Variants in GRK3 observed in about 807,000 individuals in gnomAD.
GRK3 encodes the protein adrenergic, beta, receptor kinase 2.
GRK3 carries 54 observed loss-of-function variants against 95.7 expected under a neutral mutation model. That is an observed-to-expected ratio of 0.56 (90% CI 0.45 to 0.71). GRK3 has a LOEUF of 0.71. Ranked by LOEUF, GRK3 falls within the 30% of genes least tolerant of loss-of-function variation. The pLI, the probability that GRK3 is intolerant of heterozygous loss-of-function variation, is 0.00. For synonymous variants in GRK3, 281 were observed against 290.8 expected, an observed-to-expected ratio of 0.97 and a Z score of 0.34; for missense variants, 649 against 851.2, an observed-to-expected ratio of 0.76 and a Z score of 2.96.
At position 25,689,406 on chromosome 22, in the gene GRK3, CT is replaced by C. The variant is rs1434669905; in HGVS notation, c.958-781del. ...TGGTATTATTTAATTTCTATTCAAA[CT>C]TAATTCTAGTCACTCATGATTATTC... On this transcript the variant is annotated intron_variant, in intron 11 of 20. Transcript: ENST00000324198. 2.6e-5 allele frequency among the ~76,000 whole-genome samples: 4 copies of C among 152,132 alleles called. No homozygotes were observed. The East Asian group carries it at 7.7e-4, about 29-fold the overall frequency.
chr22:25,610,331 G>A (rs1485785910), intron 2 of GRK3, among the ~76,000 whole-genome samples: 2 of 152,110 alleles, frequency 1.3e-5, no homozygotes, highest in Non-Finnish European at 2.9e-5. Context: ...GCTGGATGTG[G>A]TGCTGCATAC....
intron 2 of GRK3, among the ~76,000 whole-genome samples, chr22:25,632,203 T>C (rs996734258): frequency 1.3e-5 from 2 of 152,228 alleles, no homozygotes; most frequent in African/African-American, 4.8e-5. Context: ...CTTACCAGCA[T>C]TGCTATTGTC....
chr22:25,626,043 T>C (rs932062411), intron 2 of GRK3, among the ~76,000 whole-genome samples: 20 of 152,146 alleles, frequency 1.3e-4, no homozygotes, highest in Admixed American at 1.2e-3. Flanking sequence ...TGTCTTTTCT[T>C]TTATCTCTTT....
intron 17 of GRK3, 118 bp from the exon 18 acceptor site, chr22:25,714,290 C>A: frequency 2.6e-6 from 2 of 766,148 alleles, no homozygotes; most frequent in Non-Finnish European, 2.1e-6. Context: ...ATTACTGCTG[C>A]CATCTAGTCA....
At chr22:25,715,817 G>A (rs2085379459) in intron 18 of GRK3, among the ~76,000 whole-genome samples, 1 of 152,118 alleles carries the variant, frequency 6.6e-6, no homozygotes, top group South Asian at 2.1e-4. Flanking sequence ...CAGCATCTTG[G>A]TATAGGATTC....
rs950965766 is a variant in GRK3, at chr22:25,724,516, A to G, written c.*2066A>G. 18 of 152,220 alleles carry G rather than the reference A, an allele frequency of 1.2e-4. No homozygotes were observed. The highest frequency in any genetic ancestry group is 4.1e-4 in the African/African-American group (17 of 41,462). 9.4% of individuals were successfully genotyped at this position (152,220 alleles called of 1,614,324 possible). On this transcript the variant is annotated 3_prime_UTR_variant, in exon 21 of 21. Coordinates refer to ENST00000324198, the MANE Select transcript of GRK3 (RefSeq NM_005160.4). ...AACATAAGGCTCCACTCCCTTTTAG[A>G]AAAGATATATGAATTGGAAAATGCT...
At chr22:25,604,586 T>G (rs1451620010) in intron 2 of GRK3, 133 bp downstream of exon 2, 12 of 505,478 alleles carry the variant, frequency 2.4e-5, no homozygotes, top group South Asian at 9.5e-5. Context: ...GGAAATTTCA[T>G]GTAATTAATA....
intron 20 of GRK3, among the ~76,000 whole-genome samples, chr22:25,721,905 C>T (rs979248919): frequency 6.6e-6 from 1 of 152,184 alleles, no homozygotes. Flanking sequence ...ATCATTTTTA[C>T]TAACATCAGT....
At chr22:25,675,915 AT>A (rs1430891275) in intron 8 of GRK3, among the ~76,000 whole-genome samples, 2 of 152,154 alleles carry the variant, frequency 1.3e-5, no homozygotes, top group Non-Finnish European at 1.5e-5. Context: ...TAGCCTAGGG[AT>A]CTGGAGTAAG....
At chr22:25,631,195 A>G (rs2084661601) in intron 2 of GRK3, among the ~76,000 whole-genome samples, 9 of 151,898 alleles carry the variant, frequency 5.9e-5, no homozygotes, top group Admixed American at 5.9e-4. Context: ...TTCTTTATTT[A>G]TGAATTTGCT....
At chr22:25,720,273 G>T (rs1305391935) in intron 19 of GRK3, among the ~76,000 whole-genome samples, 2 of 152,090 alleles carry the variant, frequency 1.3e-5, no homozygotes, top group Non-Finnish European at 2.9e-5. Context: ...TCAACATTTA[G>T]TGTTCTATTT....
intron 12 of GRK3, among the ~76,000 whole-genome samples, chr22:25,693,383 A>G (rs1021788757): frequency 3.3e-5 from 5 of 152,194 alleles, no homozygotes; most frequent in Non-Finnish European, 7.3e-5. Context: ...TCCTGTAGAT[A>G]TCTATTGTAG....
At chr22:25,609,223 G>A (rs930360354) in intron 2 of GRK3, among the ~76,000 whole-genome samples, 29 of 152,196 alleles carry the variant, frequency 1.9e-4, no homozygotes, top group Non-Finnish European at 4.4e-5. Context: ...TGAGGCACAT[G>A]GCATTTGATA....
intron 19 of GRK3, among the ~76,000 whole-genome samples, chr22:25,719,567 A>C (rs779197952): frequency 1.3e-5 from 2 of 152,058 alleles, no homozygotes; most frequent in South Asian, 4.2e-4. Context: ...ATAAAAAGAA[A>C]TTTCTGATCC....
intron 13 of GRK3, chr22:25,702,831 C>G (rs1286335560): frequency 2.2e-6 from 1 of 456,038 alleles, no homozygotes; most frequent in East Asian, 6.9e-5. Flanking sequence ...GGCTTGATCC[C>G]CGCTTTACAG....
intron 2 of GRK3, among the ~76,000 whole-genome samples, chr22:25,624,272 C>T (rs2084609882): frequency 6.6e-6 from 1 of 152,124 alleles, no homozygotes; most frequent in Non-Finnish European, 1.5e-5. Context: ...AGCTTAAAAC[C>T]CTGATTTCTG....
chr22:25,669,058 A>G (rs1197023699), intron 6 of GRK3, among the ~76,000 whole-genome samples: 1 of 152,156 alleles, frequency 6.6e-6, no homozygotes, highest in Non-Finnish European at 1.5e-5. Context: ...TTTAAAGTTG[A>G]TTTGTTAATT....
intron 3 of GRK3, among the ~76,000 whole-genome samples, chr22:25,653,742 A>G (rs2084850561): frequency 6.6e-6 from 1 of 152,160 alleles, no homozygotes; most frequent in African/African-American, 2.4e-5. Context: ...TGCCCAGGCA[A>G]TGCAGTGACA....
At chr22:25,667,283 G>A (rs1486714260) in intron 5 of GRK3, among the ~76,000 whole-genome samples, 1 of 152,212 alleles carries the variant, frequency 6.6e-6, no homozygotes, top group African/African-American at 2.4e-5. Flanking sequence ...GCAGATTACA[G>A]ATGCTTTTAT....
Sources: allele counts gnomAD v4.1 joint callset (sites outside exome capture counted in the v4.1 genomes callset), GRCh38; gene constraint gnomAD v4.1.1; transcripts MANE v1.5; gene names NCBI Gene and HGNC (gene_info 2026-07-23, HGNC 2026-07-21).